Variants in KLHL29 observed in about 807,000 individuals in gnomAD.
KLHL29 encodes the protein kelch like family member 29.
Under a neutral mutation model 80.4 loss-of-function variants are expected in KLHL29, and 21 were observed. The ratio of observed to expected loss-of-function variants is 0.26; its 90% CI spans 0.19 to 0.38. KLHL29 has a LOEUF of 0.38. Among genes scored for constraint, KLHL29 ranks in the 10% least tolerant of loss-of-function variants. The probability of loss-of-function intolerance (pLI) is 1.00; values close to 1 mark genes in which losing one functional copy is unlikely to be tolerated. For synonymous variants in KLHL29, 511 were observed against 526.8 expected (o/e 0.97, Z 0.41); for missense variants, 867 against 1,223.9 (o/e 0.71, Z 4.35).
chr2:23,511,443 G>A (rs564996046), intron 2 of KLHL29, among the ~76,000 whole-genome samples: 1 of 152,300 alleles, frequency 6.6e-6, no homozygotes, highest in African/African-American at 2.4e-5. Flanking sequence ...CAGGAGCTTG[G>A]AGAAGGAAGA....
rs1265829047 is a variant in KLHL29 at position 23,677,473 on chromosome 2, A to ATCCACC, written c.941-6925_941-6924insCCACCT. On this transcript the variant is annotated intron_variant, in intron 5 of 13. Coordinates refer to ENST00000486442, the MANE Select transcript of KLHL29 (RefSeq NM_052920.2). The stretch of plus-strand genomic sequence containing the variant: ...ATGGTTCCTAGGAGGGTTTGCCTGC[A>ATCCACC]TAGGGCCTCAGGTGTCACACGTCCG... Among the ~76,000 whole-genome samples the ATCCACC allele has an allele frequency of 6.6e-5, 10 of 152,370 alleles. No individual in the cohort carries two copies. The East Asian group carries it at 1.9e-3, about 29-fold the overall frequency.
chr2:23,606,321 T>C lies in KLHL29; in HGVS notation c.286-32818T>C, dbSNP rs554895736. On this transcript the variant is annotated intron_variant, in intron 3 of 13. Transcript: ENST00000486442. ...CCTGCTCAGGAAAGCTGGAAGGTCCTCCTCCCAGCCGCTCTGCTGCTGGGT... is the reference window on the plus strand; with the variant it reads ...CCTGCTCAGGAAAGCTGGAAGGTCCCCCTCCCAGCCGCTCTGCTGCTGGGT... Among the ~76,000 whole-genome samples the C allele has an allele frequency of 3.2e-4, 49 of 152,200 alleles. No individual in the cohort carries two copies. The East Asian group carries it at 9.1e-3, about 28-fold the overall frequency.
chr2:23,402,612 G>T (rs954553425), intron 1 of KLHL29, among the ~76,000 whole-genome samples: 24 of 152,302 alleles, frequency 1.6e-4, no homozygotes, highest in Admixed American at 4.6e-4. Flanking sequence ...TTGTCTTGGG[G>T]CAGAACCTGT....
intron 5 of KLHL29, among the ~76,000 whole-genome samples, chr2:23,683,004 G>C (rs1195691552): frequency 6.6e-6 from 1 of 152,236 alleles, no homozygotes. Context: ...GCAGAGCCCA[G>C]TGTGTCCTCA....
chr2:23,484,073 A>G (rs769420630), intron 2 of KLHL29, among the ~76,000 whole-genome samples: 2 of 152,048 alleles, frequency 1.3e-5, no homozygotes, highest in Admixed American at 1.3e-4. Flanking sequence ...CCCACCCACC[A>G]TGACCCAAGA....
In KLHL29 at chr2:23,553,273, G is replaced by C. The variant is rs185199968; in HGVS notation, c.-45-8879G>C. Among the ~76,000 whole-genome samples the C allele has an allele frequency of 1.3e-3, 205 of 152,374 alleles. 2 individuals carry two copies. Among genetic ancestry groups the C allele is most frequent in the African/African-American group, 4.8e-3 (200 of 41,596 alleles). On this transcript the variant is annotated intron_variant, in intron 2 of 13. Transcript: ENST00000486442. Reference sequence around the variant, plus strand: ...GCCTGATGGCGAGGTGGCTGGTGAGGACTGGGGGCCAGGATGGGAGTGGAA... The same window carrying C: ...GCCTGATGGCGAGGTGGCTGGTGAGCACTGGGGGCCAGGATGGGAGTGGAA...
chr2:23,555,461 A>C (rs920413592), intron 2 of KLHL29, among the ~76,000 whole-genome samples: 2 of 152,178 alleles, frequency 1.3e-5, no homozygotes, highest in African/African-American at 4.8e-5. Flanking sequence ...AGGGTGGCCC[A>C]TCCCTCATTC....
chr2:23,706,338 G>A lies in KLHL29; in HGVS notation c.2445-143G>A. ...GTTTTTCTTATGCCAGCCCAGGTTA[G>A]AGGGCAAAGAAGGGCAGCAAGATCC... On this transcript the variant is annotated intron_variant, in intron 13 of 13. Transcript: ENST00000486442. The A allele has an allele frequency of 8.6e-6, 5 of 578,424 alleles. No individual in the cohort carries two copies. The South Asian group carries it at 1.5e-4, about 17-fold the overall frequency. 35.8% of individuals were successfully genotyped at this position (578,424 alleles called of 1,614,324 possible). A position where few individuals can be genotyped will look rare whatever the true frequency, so the allele number is the denominator to read the frequency against.
intron 3 of KLHL29, among the ~76,000 whole-genome samples, chr2:23,609,011 C>A: frequency 6.6e-6 from 1 of 152,284 alleles, no homozygotes; most frequent in East Asian, 1.9e-4. Flanking sequence ...AGAGCTCATT[C>A]GAGAAGATTC....
chr2:23,507,143 G>C, intron 2 of KLHL29: 1 of 435,438 alleles, frequency 2.3e-6, no homozygotes, highest in Non-Finnish European at 5.0e-6. Flanking sequence ...GGTGTGCCCA[G>C]CTGTTGGTGG....
chr2:23,455,826 T>C (rs1664035226), intron 1 of KLHL29, among the ~76,000 whole-genome samples: 1 of 152,110 alleles, frequency 6.6e-6, no homozygotes, highest in African/African-American at 2.4e-5. Flanking sequence ...TCCCCAAAAT[T>C]CACATGCTGA....
chr2:23,638,065 A>G (rs1178053837), intron 3 of KLHL29, among the ~76,000 whole-genome samples: 1 of 141,876 alleles, frequency 7.0e-6, no homozygotes, highest in Admixed American at 7.0e-5. Context: ...TTTTTTTCCT[A>G]TTACATATAA....
At chr2:23,636,878 C>T (rs1669626030) in intron 3 of KLHL29, among the ~76,000 whole-genome samples, 1 of 152,154 alleles carries the variant, frequency 6.6e-6, no homozygotes, top group Admixed American at 6.5e-5. Flanking sequence ...GAGACCCCAA[C>T]CTCCTCTCCT....
At chr2:23,703,935 T>C in intron 13 of KLHL29, 72 bp downstream of exon 13, 1 of 1,441,526 alleles carries the variant, frequency 6.9e-7, no homozygotes, top group Non-Finnish European at 9.2e-7. Flanking sequence ...ACCACAATGA[T>C]TTCCTGCCAT....
At chr2:23,432,008 C>T (rs1052072762) in intron 1 of KLHL29, among the ~76,000 whole-genome samples, 10 of 152,036 alleles carry the variant, frequency 6.6e-5, no homozygotes, top group Non-Finnish European at 1.2e-4. Flanking sequence ...ATACCACCCG[C>T]CCCAGGGATA....
At chr2:23,387,299 C>T (rs1666209828) in intron 1 of KLHL29, among the ~76,000 whole-genome samples, 1 of 152,214 alleles carries the variant, frequency 6.6e-6, no homozygotes, top group Admixed American at 6.5e-5. Flanking sequence ...CGCTGGGATT[C>T]GGACTCCTCT....
intron 11 of KLHL29, among the ~76,000 whole-genome samples, chr2:23,701,077 T>C (rs888275268): frequency 6.6e-6 from 1 of 152,218 alleles, no homozygotes; most frequent in African/African-American, 2.4e-5. Flanking sequence ...CCACAAATAC[T>C]GTAAACTTCC....
At chr2:23,624,116 A>G (rs1669252447) in intron 3 of KLHL29, among the ~76,000 whole-genome samples, 1 of 152,116 alleles carries the variant, frequency 6.6e-6, no homozygotes, top group Non-Finnish European at 1.5e-5. Flanking sequence ...GGCTTCTCAC[A>G]AGGCGCCATT....
chr2:23,442,846 G>A (rs544796037), intron 1 of KLHL29, among the ~76,000 whole-genome samples: 13 of 152,320 alleles, frequency 8.5e-5, no homozygotes, highest in African/African-American at 3.1e-4. Flanking sequence ...CAAACTGGCA[G>A]ACATTTGACA....
Sources: gnomAD v4.1 joint callset for allele counts (sites outside exome capture counted in the v4.1 genomes callset) on GRCh38, gnomAD v4.1.1 for gene constraint, MANE v1.5 for transcripts, NCBI Gene and HGNC (gene_info 2026-07-23, HGNC 2026-07-21) for gene names.